Variants in ANAPC7 observed in about 807,000 individuals in gnomAD.
ANAPC7 encodes anaphase promoting complex subunit 7.
Under a neutral mutation model 63.3 loss-of-function variants are expected in ANAPC7, and 25 were observed. That is an observed-to-expected ratio of 0.39 (90% CI 0.29 to 0.55). The LOEUF is 0.55. ANAPC7 is among the 20% of genes least tolerant of loss of function. The pLI is 0.57. For synonymous variants in ANAPC7, 241 were observed against 251.7 expected (o/e 0.96, Z 0.40); for missense variants, 516 against 691.7 (o/e 0.75, Z 2.85).
At chr12:110,395,376 G>A (rs1883484360) in intron 2 of ANAPC7, among the ~76,000 whole-genome samples, 156 bp from the exon 3 acceptor site, 1 of 150,732 alleles carries the variant, frequency 6.6e-6, no homozygotes, top group Admixed American at 6.6e-5. Context: ...ATGCAGTGGT[G>A]CAAACATGAT....
intron 2 of ANAPC7, among the ~76,000 whole-genome samples, 198 bp from the exon 3 acceptor site, chr12:110,395,418 G>A (rs946065093): frequency 6.6e-6 from 1 of 151,508 alleles, no homozygotes; most frequent in Non-Finnish European, 1.5e-5. Context: ...AGTCTCAAGC[G>A]ATCCTCCCAC....
intron 5 of ANAPC7, chr12:110,387,345 G>GAGAC (rs1882653837): frequency 9.1e-6 from 1 of 109,374 alleles, no homozygotes; most frequent in African/African-American, 4.4e-5. Flanking sequence ...GGCAGAGAGA[G>GAGAC]AGAGAGACAG....
chr12:110,381,784 C>T lies in ANAPC7; in HGVS notation c.1100G>A (p.Arg367Gln), dbSNP rs1881868270. ...EAIIHFREAI[R>Q]LAPCRLDCYE... ...ACAATCTAAGCGACAAGGTGCGAGCCGTATGGCCTCCCGAAAGTGGATTAT... is the reference window on the plus strand; with the variant it reads ...ACAATCTAAGCGACAAGGTGCGAGCTGTATGGCCTCCCGAAAGTGGATTAT... The change falls in exon 8 of 11, where the codon CGG becomes CAG. Residue 367 changes from arginine to glutamine, a missense_variant. By Grantham distance (43) the Arg-to-Gln change is conservative. Coordinates refer to ENST00000455511, the MANE Select transcript of ANAPC7 (RefSeq NM_016238.3). 7 of 1,613,746 alleles carry T rather than the reference C, an allele frequency of 4.3e-6. No individual in the cohort carries two copies. The highest frequency in any genetic ancestry group is 5.1e-6 in the Non-Finnish European group (6 of 1,179,990).
At chr12:110,402,771 T>TGTC (rs1283547225) in intron 1 of ANAPC7, among the ~76,000 whole-genome samples, 3 of 152,122 alleles carry the variant, frequency 2.0e-5, no homozygotes. Context: ...GCAGTCGTTC[T>TGTC]GTCGCCCACG....
At chr12:110,378,282 C>T (rs1477861294) in intron 8 of ANAPC7, among the ~76,000 whole-genome samples, 2 of 151,984 alleles carry the variant, frequency 1.3e-5, no homozygotes, top group African/African-American at 2.4e-5. Flanking sequence ...TTAGTAGAGA[C>T]GGGGTTTCTC....
intron 3 of ANAPC7, among the ~76,000 whole-genome samples, chr12:110,394,401 C>T (rs1402069995): frequency 9.9e-5 from 15 of 151,196 alleles, no homozygotes; most frequent in African/African-American, 3.6e-4. Context: ...CCGAGGTGGG[C>T]GGATCACCTG....
chr12:110,399,099 C>T (rs369511874), intron 1 of ANAPC7, among the ~76,000 whole-genome samples: 1 of 150,076 alleles, frequency 6.7e-6, no homozygotes, highest in African/African-American at 2.5e-5. Context: ...CGGCTCACTA[C>T]GACCCCTGCC....
At position 110,375,899 on chromosome 12, in the gene ANAPC7, T is replaced by A. The variant is rs539641816; in HGVS notation, c.1508+167A>T. 95 of 1,316,706 alleles carry A rather than the reference T, an allele frequency of 7.2e-5. No homozygotes were observed. The African/African-American group carries it at 1.2e-3, about 17-fold the overall frequency. 81.6% of individuals were successfully genotyped at this position (1,316,706 alleles called of 1,614,324 possible). A position where few individuals can be genotyped will look rare whatever the true frequency, so the allele number is the denominator to read the frequency against. On this transcript the variant is annotated intron_variant, in intron 10 of 10. Transcript: ENST00000455511. ...GTTGTTAATATATTTTAAGAAAAAA[T>A]TTTTAGAAGTCATGAATTCACAAAT...
intron 1 of ANAPC7, among the ~76,000 whole-genome samples, chr12:110,399,357 A>G (rs1010870642): frequency 2.6e-5 from 4 of 151,444 alleles, no homozygotes; most frequent in African/African-American, 9.7e-5. Context: ...TTTCTCAACA[A>G]GCTAGGCACA....
chr12:110,387,626 G>C, intron 5 of ANAPC7, 113 bp downstream of exon 5: 3 of 1,269,614 alleles, frequency 2.4e-6, no homozygotes, highest in Admixed American at 2.2e-5. Flanking sequence ...CCAGAGACTG[G>C]CTGCAGCACC....
At position 110,377,933 on chromosome 12, in the gene ANAPC7, A is replaced by T. The variant is rs1415636653; in HGVS notation, c.1133-316T>A. 7.4e-6 allele frequency: 5 copies of T among 672,430 alleles called. No homozygotes were observed. The African/African-American group carries it at 9.2e-5, about 12-fold the overall frequency. 41.7% of individuals were successfully genotyped at this position (672,430 alleles called of 1,614,324 possible). A position where few individuals can be genotyped will look rare whatever the true frequency, so the allele number is the denominator to read the frequency against. Reference sequence around the variant, plus strand: ...CCACTGGAAGAATAAATGCGACACTAATGATTAGTCTGTCATATGGCCAAG... The same window carrying T: ...CCACTGGAAGAATAAATGCGACACTTATGATTAGTCTGTCATATGGCCAAG... On this transcript the variant is annotated intron_variant, in intron 8 of 10. Coordinates refer to ENST00000455511, the MANE Select transcript of ANAPC7 (RefSeq NM_016238.3).
At chr12:110,392,090 CACAAAAAAA>C (rs1187286639) in intron 3 of ANAPC7, among the ~76,000 whole-genome samples, 4 of 94,824 alleles carry the variant, frequency 4.2e-5, no homozygotes, top group African/African-American at 1.8e-4. Context: ...GACTCCACCT[CACAAAAAAA>C]AAAAAAAAAA....
In ANAPC7 at chr12:110,396,012, A is replaced by G. The variant is rs1883542834; in HGVS notation, c.288+254T>C. ...ATCTTCAGGCATTAGTCAGATTATA[A>G]TAAGGAACACACAACCTAGATCCTA... On this transcript the variant is annotated intron_variant, in intron 2 of 10. Transcript: ENST00000455511. 2.0e-5 allele frequency among the ~76,000 whole-genome samples: 3 copies of G among 152,186 alleles called. 1 individual carries two copies. In the South Asian group the frequency reaches 6.2e-4, roughly 32 times the overall value.
intron 3 of ANAPC7, among the ~76,000 whole-genome samples, chr12:110,394,054 T>G (rs1247668403): frequency 1.3e-5 from 2 of 149,934 alleles, no homozygotes; most frequent in East Asian, 3.9e-4. Context: ...CGGGTGCCTG[T>G]AATCCCAGCT....
At chr12:110,397,666 G>A (rs1345289569) in intron 1 of ANAPC7, among the ~76,000 whole-genome samples, 1 of 152,162 alleles carries the variant, frequency 6.6e-6, no homozygotes, top group Non-Finnish European at 1.5e-5. Context: ...GGGACACCAA[G>A]GCAGGCGGAT....
intron 7 of ANAPC7, 21 bp from the exon 8 acceptor site, chr12:110,381,969 A>AC (rs1566263456): frequency 3.3e-6 from 5 of 1,511,660 alleles, no homozygotes; most frequent in East Asian, 2.4e-5. Context: ...AAAAAAAAAA[A>AC]AAAACACAAA....
At chr12:110,381,221 C>A (rs1254336570) in intron 8 of ANAPC7, among the ~76,000 whole-genome samples, 2 of 152,100 alleles carry the variant, frequency 1.3e-5, no homozygotes, top group Non-Finnish European at 2.9e-5. Flanking sequence ...CATTGGTAAC[C>A]CCTGGGGACC....
Position 110,374,180 on chromosome 12 carries a change from C to T in ANAPC7, c.1662G>A (p.Gln554=), listed in dbSNP as rs893201918. Residue 554 remains glutamine, a synonymous_variant, in exon 11 of 11, where the codon CAG becomes CAA. Coordinates refer to ENST00000455511, the MANE Select transcript of ANAPC7 (RefSeq NM_016238.3). The part of the protein sequence containing the change: ...DLEGSDSEAA[Q]WADQEQWFGM... The stretch of plus-strand genomic sequence containing the variant: ...CGAACCACTGCTCCTGGTCAGCCCA[C>T]TGGGCCGCCTCACTGTCGCTGCCCT... 5 of 1,613,390 alleles carry T rather than the reference C, an allele frequency of 3.1e-6. No homozygotes were observed. In the African/African-American group the frequency reaches 6.7e-5, roughly 22 times the overall value.
intron 5 of ANAPC7, 168 bp downstream of exon 5, chr12:110,387,571 A>T: frequency 2.9e-6 from 2 of 694,202 alleles, no homozygotes; most frequent in Non-Finnish European, 4.6e-6. Context: ...AGAGATGATT[A>T]CATGATTACA....
Sources: gnomAD v4.1 joint callset for allele counts (sites outside exome capture counted in the v4.1 genomes callset) on GRCh38, gnomAD v4.1.1 for gene constraint, MANE v1.5 for transcripts, NCBI Gene and HGNC (gene_info 2026-07-23, HGNC 2026-07-21) for gene names.